The following CACNA2D3 variants were observed in gnomAD, a reference collection of about 807,000 sequenced individuals.
The protein encoded by CACNA2D3 is calcium voltage-gated channel auxiliary subunit alpha2delta 3.
A neutral mutation model predicts 160.6 loss-of-function variants in CACNA2D3; 60 were observed. That is an observed-to-expected ratio of 0.37 (90% CI 0.30 to 0.46). CACNA2D3 has a LOEUF of 0.46. Among genes scored for constraint, CACNA2D3 ranks in the 20% least tolerant of loss-of-function variants. The pLI is 1.00. For missense variants in CACNA2D3, 1,205 were observed against 1,365.0 expected, an observed-to-expected ratio of 0.88 and a Z score of 1.85; for synonymous variants, 558 against 492.9, an observed-to-expected ratio of 1.13 and a Z score of -1.75.
chr3:54,385,782 A>G (rs1452302826), intron 3 of CACNA2D3: 2 of 398,776 alleles, frequency 5.0e-6, no homozygotes, highest in Non-Finnish European at 9.6e-6. Flanking sequence ...TCAGGCCTAT[A>G]TTATGTCAAG....
chr3:54,185,278 A>C (rs945992939), intron 2 of CACNA2D3, among the ~76,000 whole-genome samples: 3 of 152,168 alleles, frequency 2.0e-5, no homozygotes, highest in Non-Finnish European at 4.4e-5. Context: ...TCAGAATTGA[A>C]CTTTTTTTTT....
chr3:54,778,702 T>G, intron 13 of CACNA2D3, among the ~76,000 whole-genome samples: 1 of 152,226 alleles, frequency 6.6e-6, no homozygotes, highest in East Asian at 1.9e-4. Flanking sequence ...ACGTAGTAAG[T>G]ATATGTATAG....
chr3:54,224,088 C>G (rs1410474525), intron 2 of CACNA2D3, among the ~76,000 whole-genome samples: 2 of 151,782 alleles, frequency 1.3e-5, no homozygotes, highest in African/African-American at 4.8e-5. Flanking sequence ...AACTAAGACA[C>G]AAGCACACAC....
chr3:54,556,340 A>G (rs1437373329), intron 5 of CACNA2D3, among the ~76,000 whole-genome samples: 1 of 152,158 alleles, frequency 6.6e-6, no homozygotes, highest in Non-Finnish European at 1.5e-5. Flanking sequence ...AGGGAAGGCC[A>G]TTTGAAGATG....
chr3:54,475,931 G>A (rs1399949588), intron 4 of CACNA2D3, among the ~76,000 whole-genome samples: 3 of 150,244 alleles, frequency 2.0e-5, no homozygotes, highest in Non-Finnish European at 4.4e-5. Flanking sequence ...CTGTAAATTA[G>A]GTCTGCAGAA....
chr3:54,633,450 A>G (rs1699291134), intron 10 of CACNA2D3: 2 of 152,218 alleles, frequency 1.3e-5, no homozygotes, highest in Non-Finnish European at 2.9e-5. Flanking sequence ...CATGGCCACG[A>G]AAGTTTAGGC....
At chr3:54,863,178 G>C (rs1399394028) in intron 17 of CACNA2D3, among the ~76,000 whole-genome samples, 2 of 152,174 alleles carry the variant, frequency 1.3e-5, no homozygotes, top group East Asian at 3.9e-4. Flanking sequence ...GTGCAGCCCT[G>C]TCTGAAATTT....
At chr3:54,462,933 T>G (rs2106848311) in intron 4 of CACNA2D3, among the ~76,000 whole-genome samples, 1 of 150,810 alleles carries the variant, frequency 6.6e-6, no homozygotes, top group South Asian at 2.2e-4. Flanking sequence ...CTTTCCATGT[T>G]TAGTGCTTCC....
At chr3:54,562,429 G>A (rs1192035455) in intron 5 of CACNA2D3, among the ~76,000 whole-genome samples, 3 of 152,130 alleles carry the variant, frequency 2.0e-5, no homozygotes, top group East Asian at 1.9e-4. Flanking sequence ...TTTTAATGCC[G>A]AGTTTTGGCT....
chr3:54,478,760 A>G (rs1179251516), intron 4 of CACNA2D3, among the ~76,000 whole-genome samples: 2 of 133,714 alleles, frequency 1.5e-5, no homozygotes, highest in African/African-American at 5.5e-5. Flanking sequence ...CACGCTGTCT[A>G]CACTACTCAC....
At chr3:54,420,709 C>A (rs1045895233) in intron 4 of CACNA2D3, among the ~76,000 whole-genome samples, 1 of 152,210 alleles carries the variant, frequency 6.6e-6, no homozygotes, top group African/African-American at 2.4e-5. Context: ...GCCCCTACTT[C>A]ATAAATGACC....
At chr3:54,292,278 T>G (rs1303209640) in intron 2 of CACNA2D3, among the ~76,000 whole-genome samples, 1 of 152,084 alleles carries the variant, frequency 6.6e-6, no homozygotes, top group Non-Finnish European at 1.5e-5. Flanking sequence ...GGCAATGAAT[T>G]CTTAGATAAT....
intron 18 of CACNA2D3, among the ~76,000 whole-genome samples, chr3:54,872,999 C>T (rs1462342882): frequency 6.6e-6 from 1 of 152,050 alleles, no homozygotes; most frequent in African/African-American, 2.4e-5. Context: ...TTTTAGACTC[C>T]TGCCAGGTTC....
intron 27 of CACNA2D3, among the ~76,000 whole-genome samples, chr3:54,936,918 C>T (rs150455019): frequency 1.3e-5 from 2 of 152,146 alleles, no homozygotes; most frequent in South Asian, 4.2e-4. Context: ...CGTGTATGCT[C>T]TCACTGCTAC....
At chr3:54,576,877 T>C (rs1023723106) in intron 8 of CACNA2D3, among the ~76,000 whole-genome samples, 2 of 151,844 alleles carry the variant, frequency 1.3e-5, no homozygotes, top group Admixed American at 1.3e-4. Flanking sequence ...CTACAAATAA[T>C]AATAAAAAAA....
intron 17 of CACNA2D3, among the ~76,000 whole-genome samples, chr3:54,870,572 CAA>C (rs1699503725): frequency 6.6e-6 from 1 of 152,196 alleles, no homozygotes; most frequent in African/African-American, 2.4e-5. Flanking sequence ...TGAAAGGCCT[CAA>C]GACACAAGAA....
chr3:54,671,559 A>C (rs1362656929), intron 11 of CACNA2D3, among the ~76,000 whole-genome samples: 1 of 152,010 alleles, frequency 6.6e-6, no homozygotes, highest in Non-Finnish European at 1.5e-5. Flanking sequence ...GCCCTCAGCT[A>C]CCCTCCTATT....
chr3:54,547,669 AC>A lies in CACNA2D3; in HGVS notation c.545-15128del, dbSNP rs1402617984. On this transcript the variant is annotated intron_variant, in intron 5 of 37. Coordinates refer to ENST00000474759, the MANE Select transcript of CACNA2D3 (RefSeq NM_018398.3). Reference sequence around the variant, plus strand: ...ATATTTTAAAGAAGAACCTCCCCCAACCCTTTTTTTTTTTTTTTTTTTTTTT... The same window carrying A: ...ATATTTTAAAGAAGAACCTCCCCCAACCTTTTTTTTTTTTTTTTTTTTTTT... 5.8e-5 allele frequency among the ~76,000 whole-genome samples: 6 copies of A among 102,920 alleles called. No homozygotes were observed. In the East Asian group the frequency reaches 9.0e-4, roughly 15 times the overall value. The allele number at this position is 102,920 out of a possible 152,430, so 67.5% of individuals were successfully genotyped here.
intron 4 of CACNA2D3, among the ~76,000 whole-genome samples, chr3:54,417,865 C>T (rs60596339): frequency 0.031 from 4,690 of 151,806 alleles, 256 homozygotes; most frequent in African/African-American, 0.11. Flanking sequence ...TGGCTCACTA[C>T]AGCCCGGACC....
Sources: gnomAD v4.1 joint callset for allele counts (sites outside exome capture counted in the v4.1 genomes callset) on GRCh38, gnomAD v4.1.1 for gene constraint, MANE v1.5 for transcripts, NCBI Gene and HGNC (gene_info 2026-07-23, HGNC 2026-07-21) for gene names.